Variants in KLHL29 observed in about 807,000 individuals in gnomAD.
The protein encoded by KLHL29 is kelch like family member 29, also known as kelch-like protein 29.
A neutral mutation model predicts 80.4 loss-of-function variants in KLHL29; 21 were observed. The ratio of observed to expected loss-of-function variants is 0.26; its 90% CI spans 0.19 to 0.38. KLHL29 has a LOEUF of 0.38. Among genes scored for constraint, KLHL29 ranks in the 10% least tolerant of loss-of-function variants. KLHL29 has a pLI of 1.00. For synonymous variants in KLHL29, 511 were observed against 526.8 expected, an observed-to-expected ratio of 0.97 and a Z score of 0.41; for missense variants, 867 against 1,223.9, an observed-to-expected ratio of 0.71 and a Z score of 4.35.
At chr2:23,571,713 A>G (rs1444694501) in intron 3 of KLHL29, among the ~76,000 whole-genome samples, 1 of 152,218 alleles carries the variant, frequency 6.6e-6, no homozygotes, top group Admixed American at 6.5e-5. Flanking sequence ...TTGAACTGCT[A>G]TAACCTTCCT....
intron 2 of KLHL29, among the ~76,000 whole-genome samples, chr2:23,493,724 C>A (rs911135668): frequency 6.6e-6 from 1 of 151,898 alleles, no homozygotes; most frequent in Non-Finnish European, 1.5e-5. Context: ...TCTGTGTGTC[C>A]GTGTGGTCAC....
intron 2 of KLHL29, among the ~76,000 whole-genome samples, chr2:23,513,682 C>T (rs1247299654): frequency 1.3e-5 from 2 of 152,164 alleles, no homozygotes; most frequent in Admixed American, 6.5e-5. Flanking sequence ...CTCCTTCCCA[C>T]GTCACTCAGA....
intron 2 of KLHL29, among the ~76,000 whole-genome samples, chr2:23,549,610 G>T (rs1393553660): frequency 6.6e-6 from 1 of 152,218 alleles, no homozygotes; most frequent in Non-Finnish European, 1.5e-5. Context: ...ACTGAGGTCA[G>T]CAGGGGAGTG....
chr2:23,397,101 G>A (rs1029624099), intron 1 of KLHL29, among the ~76,000 whole-genome samples: 1 of 152,214 alleles, frequency 6.6e-6, no homozygotes, highest in Non-Finnish European at 1.5e-5. Context: ...CTGAGACCTG[G>A]AAGGTACCTG....
intron 1 of KLHL29, among the ~76,000 whole-genome samples, chr2:23,408,732 G>A (rs1386913994): frequency 6.6e-6 from 1 of 152,308 alleles, no homozygotes; most frequent in South Asian, 2.1e-4. Flanking sequence ...TATACCCAGG[G>A]ATGTCTGGGA....
chr2:23,630,766 G>T (rs974434440), intron 3 of KLHL29, among the ~76,000 whole-genome samples: 3 of 152,140 alleles, frequency 2.0e-5, no homozygotes, highest in African/African-American at 7.2e-5. Context: ...GAGATTTCAG[G>T]CATGAGCCAC....
intron 3 of KLHL29, among the ~76,000 whole-genome samples, chr2:23,573,582 GCAGCCA>G (rs1400694652): frequency 2.0e-5 from 3 of 152,216 alleles, no homozygotes; most frequent in Admixed American, 2.0e-4. Flanking sequence ...ACCGGAAGGT[GCAGCCA>G]CAGACTCCCC....
chr2:23,577,758 A>G (rs181506848), intron 3 of KLHL29, among the ~76,000 whole-genome samples: 27 of 152,138 alleles, frequency 1.8e-4, no homozygotes, highest in Non-Finnish European at 3.5e-4. Context: ...CAAAAAAAAA[A>G]AAAAGAAAAG....
intron 3 of KLHL29, among the ~76,000 whole-genome samples, chr2:23,603,383 G>A (rs1179501090): frequency 6.6e-6 from 1 of 152,146 alleles, no homozygotes; most frequent in African/African-American, 2.4e-5. Flanking sequence ...TCAGGGCTCT[G>A]ACAGCAGGAA....
intron 1 of KLHL29, among the ~76,000 whole-genome samples, chr2:23,412,514 G>C (rs1666889432): frequency 6.6e-6 from 1 of 152,142 alleles, no homozygotes; most frequent in South Asian, 2.1e-4. Context: ...ATGGTGCCTT[G>C]TGGACTGAAT....
chr2:23,403,871 G>A (rs1428289372), intron 1 of KLHL29, among the ~76,000 whole-genome samples: 2 of 152,128 alleles, frequency 1.3e-5, no homozygotes, highest in East Asian at 1.9e-4. Flanking sequence ...TGCATTTGAG[G>A]AGGGAGGCCT....
intron 3 of KLHL29, among the ~76,000 whole-genome samples, chr2:23,624,114 A>T (rs1669252386): frequency 6.6e-6 from 1 of 152,072 alleles, no homozygotes; most frequent in Admixed American, 6.5e-5. Flanking sequence ...CAGGCTTCTC[A>T]CAAGGCGCCA....
At chr2:23,574,016 T>G (rs1410404640) in intron 3 of KLHL29, among the ~76,000 whole-genome samples, 7 of 152,046 alleles carry the variant, frequency 4.6e-5, no homozygotes. Flanking sequence ...CAGCTCCCTC[T>G]TGCTGGTCCC....
chr2:23,586,663 C>T (rs1234295737), intron 3 of KLHL29, among the ~76,000 whole-genome samples: 5 of 152,058 alleles, frequency 3.3e-5, no homozygotes, highest in Non-Finnish European at 7.4e-5. Context: ...GCCCGGCCAG[C>T]GTTACTTTTT....
At chr2:23,567,406 G>T (rs112086485) in intron 3 of KLHL29, among the ~76,000 whole-genome samples, 1 of 152,170 alleles carries the variant, frequency 6.6e-6, no homozygotes, top group African/African-American at 2.4e-5. Flanking sequence ...GAGCGACTTC[G>T]CCTGTGTCGG....
intron 2 of KLHL29, among the ~76,000 whole-genome samples, chr2:23,527,247 C>G (rs753772711): frequency 1.3e-5 from 2 of 152,208 alleles, no homozygotes; most frequent in Non-Finnish European, 2.9e-5. Context: ...GGACCTCTTT[C>G]CAGTCCTTAA....
chr2:23,577,689 A>T (rs1472448010), intron 3 of KLHL29, among the ~76,000 whole-genome samples: 3 of 151,904 alleles, frequency 2.0e-5, no homozygotes, highest in Non-Finnish European at 4.4e-5. Context: ...CAGAGGTTGC[A>T]GTGAGCCAGG....
At chr2:23,517,249 A>C (rs1186084867) in intron 2 of KLHL29, among the ~76,000 whole-genome samples, 1 of 152,224 alleles carries the variant, frequency 6.6e-6, no homozygotes, top group Non-Finnish European at 1.5e-5. Context: ...AAACTTTTAA[A>C]AACAACCTAA....
At chr2:23,524,168 G>T in intron 2 of KLHL29, 1 of 405,992 alleles carries the variant, frequency 2.5e-6, no homozygotes. Flanking sequence ...TGGAGCGGGG[G>T]ATGACTTGCT....
Sources: gnomAD v4.1 joint callset for allele counts (sites outside exome capture counted in the v4.1 genomes callset) on GRCh38, gnomAD v4.1.1 for gene constraint, MANE v1.5 for transcripts, NCBI Gene and HGNC (gene_info 2026-07-23, HGNC 2026-07-21) for gene names.